NDRG3: variants seen among roughly 807,000 people sequenced by gnomAD.
The protein encoded by NDRG3 is NDRG family member 3, also known as protein NDRG3.
Under a neutral mutation model 57.2 loss-of-function variants are expected in NDRG3, and 23 were observed. That is an observed-to-expected ratio of 0.40 (90% CI 0.29 to 0.57). The LOEUF is 0.57. Among genes scored for constraint, NDRG3 ranks in the 20% least tolerant of loss-of-function variants. The probability of loss-of-function intolerance (pLI) is 0.42; values close to 1 mark genes in which losing one functional copy is unlikely to be tolerated. For missense variants in NDRG3, 384 were observed against 457.3 expected (o/e 0.84, Z 1.46); for synonymous variants, 132 against 162.6 (o/e 0.81, Z 1.43).
intron 8 of NDRG3, among the ~76,000 whole-genome samples, chr20:36,672,828 CAAAA>C (rs1269407865): frequency 8.5e-6 from 1 of 118,070 alleles, no homozygotes; most frequent in African/African-American, 3.0e-5. Context: ...GATTCCGTCT[CAAAA>C]AAAAAAAAAA....
Position 36,704,209 on chromosome 20 carries a change from T to C in NDRG3, c.93+2763A>G, listed in dbSNP as rs534986221. Among the ~76,000 whole-genome samples the C allele has an allele frequency of 3.4e-3, 518 of 152,232 alleles. 2 individuals carry two copies. Among genetic ancestry groups the C allele is most frequent in the African/African-American group, 0.012 (493 of 41,532 alleles). ...CTCCTGCCTCAGCCTCCTGAGTAGC[T>C]CGGATTACAGACGCAAACCACCATG... On this transcript the variant is annotated intron_variant, in intron 3 of 15. Transcript: ENST00000349004.
intron 15 of NDRG3, chr20:36,654,883 A>G: frequency 3.8e-6 from 3 of 779,586 alleles, no homozygotes; most frequent in Non-Finnish European, 7.2e-6. Flanking sequence ...TAGTGACCCC[A>G]GAGTGCCAAG....
chr20:36,705,068 C>T (rs925852963), intron 3 of NDRG3, among the ~76,000 whole-genome samples: 1 of 151,856 alleles, frequency 6.6e-6, no homozygotes, highest in East Asian at 1.9e-4. Flanking sequence ...GCCTGTAATC[C>T]CAGCACTTTG....
At chr20:36,730,895 G>A (rs1385018611) in intron 1 of NDRG3, among the ~76,000 whole-genome samples, 2 of 148,808 alleles carry the variant, frequency 1.3e-5, no homozygotes, top group African/African-American at 2.5e-5. Flanking sequence ...CCAAGATCGC[G>A]CCACTGCACT....
At chr20:36,676,011 C>T (rs1980662813) in intron 8 of NDRG3, among the ~76,000 whole-genome samples, 2 of 151,908 alleles carry the variant, frequency 1.3e-5, no homozygotes, top group South Asian at 2.1e-4. Flanking sequence ...GAGGCTGAGG[C>T]GGGCGGATCA....
At chr20:36,715,822 G>A (rs922588957) in intron 2 of NDRG3, among the ~76,000 whole-genome samples, 1 of 148,844 alleles carries the variant, frequency 6.7e-6, no homozygotes, top group Admixed American at 6.7e-5. Context: ...CAGAGACCCT[G>A]TCTCAAATAA....
intron 8 of NDRG3, among the ~76,000 whole-genome samples, chr20:36,673,709 C>A (rs1432586728): frequency 6.6e-6 from 1 of 152,028 alleles, no homozygotes; most frequent in East Asian, 1.9e-4. Flanking sequence ...AATGAATATT[C>A]TGGGTTTGCA....
chr20:36,697,740 CTTTACATTTG>C (rs917775794), intron 3 of NDRG3, among the ~76,000 whole-genome samples: 6 of 151,266 alleles, frequency 4.0e-5, no homozygotes, highest in Admixed American at 2.6e-4. Context: ...AATACTGCAT[CTTTACATTTG>C]TTTACATTTC....
At chr20:36,737,465 T>C (rs151097427) in intron 1 of NDRG3, among the ~76,000 whole-genome samples, 91 of 152,276 alleles carry the variant, frequency 6.0e-4, no homozygotes, top group Middle Eastern at 3.4e-3. Context: ...ATAATACTCA[T>C]ACGAGCCAAA....
chr20:36,740,035 G>C (rs963000348), intron 1 of NDRG3, among the ~76,000 whole-genome samples: 1 of 151,434 alleles, frequency 6.6e-6, no homozygotes, highest in African/African-American at 2.4e-5. Context: ...CCAGACTGTA[G>C]ACCATGGGCA....
chr20:36,684,438 G>C lies in NDRG3; in HGVS notation c.358C>G (p.Leu120Val). 6.2e-7 allele frequency: 1 copy of C among 1,614,126 alleles called. No individual in the cohort carries two copies. The change falls in exon 6 of 16, where the codon CTG (leucine) becomes GTG (valine). Residue 120 changes from leucine (L) to valine (V), a missense_variant. Physicochemically the swap from Leu to Val is conservative, Grantham distance 32. Coordinates refer to ENST00000349004, the MANE Select transcript of NDRG3 (RefSeq NM_032013.4). The part of the protein sequence containing the change: ...YPTMDELAEM[L>V]PPVLTHLSLK... ...CTTAGGTGGGTAAGAACAGGAGGCA[G>C]CATTTCAGCCAGCTCATCCATTGTG...
chr20:36,723,659 AGT>A (rs36022065), intron 1 of NDRG3, among the ~76,000 whole-genome samples: 6,507 of 132,840 alleles, frequency 0.049, 172 homozygotes, highest in Admixed American at 0.1. Flanking sequence ...ATATTAGTCT[AGT>A]GTGTGTGTGT....
At chr20:36,717,645 T>G (rs1169663335) in intron 2 of NDRG3, among the ~76,000 whole-genome samples, 1 of 149,222 alleles carries the variant, frequency 6.7e-6, no homozygotes, top group Non-Finnish European at 1.5e-5. Flanking sequence ...CTCAAAGGGA[T>G]ATTCTGAGAG....
At chr20:36,694,135 G>A (rs1189674252) in intron 3 of NDRG3, among the ~76,000 whole-genome samples, 1 of 152,130 alleles carries the variant, frequency 6.6e-6, no homozygotes, top group African/African-American at 2.4e-5. Context: ...GTAGGCTGAG[G>A]ACGAGGAGGA....
chr20:36,658,800 A>G (rs1978902431), intron 13 of NDRG3, among the ~76,000 whole-genome samples: 1 of 152,172 alleles, frequency 6.6e-6, no homozygotes, highest in Admixed American at 6.5e-5. Flanking sequence ...TATTTAGCAT[A>G]AGAGTTGGTC....
At chr20:36,691,153 C>T (rs921854144) in intron 3 of NDRG3, among the ~76,000 whole-genome samples, 2 of 152,152 alleles carry the variant, frequency 1.3e-5, no homozygotes, top group Admixed American at 6.6e-5. Context: ...GTTTAATTTC[C>T]TATCTAATAA....
intron 1 of NDRG3, among the ~76,000 whole-genome samples, chr20:36,728,643 G>C (rs1316355139): frequency 6.6e-6 from 1 of 152,210 alleles, no homozygotes; most frequent in Non-Finnish European, 1.5e-5. Flanking sequence ...TTAAACGCTA[G>C]TAAGTATAAT....
At position 36,653,384 on chromosome 20, in the gene NDRG3, C is replaced by T; in HGVS notation, c.*136G>A. 1.4e-6 allele frequency: 1 copy of T among 724,154 alleles called. No homozygotes were observed. Among genetic ancestry groups the T allele is most frequent in the South Asian group, 2.1e-5 (1 of 46,536 alleles). 44.9% of individuals were successfully genotyped at this position (724,154 alleles called of 1,614,324 possible). On this transcript the variant is annotated 3_prime_UTR_variant, in exon 16 of 16. Transcript: ENST00000349004. The surrounding 1 kb of genome is among the most constrained non-coding windows in gnomAD (Gnocchi z 4.2). ...TGGGCAGGCAGAGAGAATGATAAAT[C>T]CAGGCTACTAGAGAGAGGTTCAGTG...
At chr20:36,688,816 A>G in intron 3 of NDRG3, 32 bp from the exon 4 acceptor site, 3 of 1,558,924 alleles carry the variant, frequency 1.9e-6, no homozygotes, top group Non-Finnish European at 2.7e-6. Flanking sequence ...TCTCAGAAAA[A>G]GCAGAATGAA....
Sources: allele counts gnomAD v4.1 joint callset (sites outside exome capture counted in the v4.1 genomes callset), GRCh38; gene constraint gnomAD v4.1.1; non-coding constraint Gnocchi (gnomAD v3.1); transcripts MANE v1.5; gene names NCBI Gene and HGNC (gene_info 2026-07-23, HGNC 2026-07-21).